The following KMO variants were observed in gnomAD, a reference collection of about 807,000 sequenced individuals.
KMO encodes kynurenine 3-monooxygenase.
Under a neutral mutation model 57.8 loss-of-function variants are expected in KMO, and 24 were observed. The ratio of observed to expected loss-of-function variants is 0.42; its 90% CI spans 0.30 to 0.58. The LOEUF (loss-of-function observed/expected upper bound fraction) is 0.58. KMO is among the 20% of genes least tolerant of loss of function. The pLI is 0.22. For missense variants in KMO, 483 were observed against 588.2 expected (o/e 0.82, Z 1.85); for synonymous variants, 210 against 193.6 (o/e 1.08, Z -0.70).
rs1022837170 is a variant in KMO, at chr1:241,570,615, G to A, written c.957+1968G>A. Among the ~76,000 whole-genome samples, 6 of 152,070 alleles carry A rather than the reference G, an allele frequency of 3.9e-5. No homozygotes were observed. The South Asian group carries it at 1.2e-3, about 32-fold the overall frequency. The stretch of plus-strand genomic sequence containing the variant: ...AAATTGAATGTGGATATATTACTGG[G>A]TTCTCTATTCTGTTCCATTGGTCAA... On this transcript the variant is annotated intron_variant, in intron 10 of 14. Coordinates refer to ENST00000366559, the MANE Select transcript of KMO (RefSeq NM_003679.5).
At chr1:241,572,972 C>G (rs1662359938) in intron 10 of KMO, among the ~76,000 whole-genome samples, 1 of 152,096 alleles carries the variant, frequency 6.6e-6, no homozygotes, top group African/African-American at 2.4e-5. Flanking sequence ...TTATTTCATA[C>G]TTTTTTACGG....
Position 241,568,495 on chromosome 1 carries a change from T to C in KMO, c.810-5T>C, listed in dbSNP as rs1179880345. 1 of 1,613,178 alleles carries C rather than the reference T, an allele frequency of 6.2e-7. No individual in the cohort carries two copies. Among genetic ancestry groups the C allele is most frequent in the African/African-American group, 1.3e-5 (1 of 75,014 alleles). Reference sequence around the variant, plus strand: ...TCTTTATATTCGGATTATTTTCCTTTGAAGGAAACTCCTAGTGCAAGATTT... The same window carrying C: ...TCTTTATATTCGGATTATTTTCCTTCGAAGGAAACTCCTAGTGCAAGATTT... On this transcript the variant is annotated splice_polypyrimidine_tract_variant and splice_region_variant and intron_variant, in intron 9 of 14. Transcript: ENST00000366559.
chr1:241,561,610 T>G (rs1661839727), intron 6 of KMO, among the ~76,000 whole-genome samples: 1 of 152,256 alleles, frequency 6.6e-6, no homozygotes. Context: ...CTCTTCAAAC[T>G]GCCAAGGAAG....
At chr1:241,543,985 G>T (rs74150321) in intron 1 of KMO, among the ~76,000 whole-genome samples, 2,440 of 152,276 alleles carry the variant, frequency 0.016, 61 homozygotes, top group African/African-American at 0.055. Flanking sequence ...ACAAACCCAT[G>T]CAACCAGACC....
At chr1:241,554,435 G>A (rs546453378) in intron 4 of KMO, among the ~76,000 whole-genome samples, 4 of 151,674 alleles carry the variant, frequency 2.6e-5, no homozygotes, top group Middle Eastern at 3.4e-3. Context: ...CACCAGACCC[G>A]GCTTGTTTTT....
intron 5 of KMO, among the ~76,000 whole-genome samples, chr1:241,557,961 T>C (rs1276464221): frequency 1.3e-5 from 2 of 152,230 alleles, no homozygotes; most frequent in African/African-American, 4.8e-5. Context: ...CACCAAGCTG[T>C]ATCTTAAGTG....
intron 14 of KMO, among the ~76,000 whole-genome samples, chr1:241,591,346 T>C (rs2147988360): frequency 6.6e-6 from 1 of 152,156 alleles, no homozygotes; most frequent in South Asian, 2.1e-4. Context: ...ACTATAGCTA[T>C]GTTAGTTATG....
rs1256668525 is a variant in KMO, at chr1:241,566,364, GT to G, written c.688-126del. On this transcript the variant is annotated intron_variant, in intron 8 of 14. Coordinates refer to ENST00000366559, the MANE Select transcript of KMO (RefSeq NM_003679.5). ...GGAACAAAGTGACAGTGCCTTTCCT[GT>G]CTGCTTGGACATTCCTTCCAAAAGC... is the stretch of plus-strand genomic sequence containing the variant. The G allele has an allele frequency of 1.7e-5, 18 of 1,056,508 alleles. No homozygotes were observed. The African/African-American group carries it at 2.6e-4, about 15-fold the overall frequency. The allele number at this position is 1,056,508 out of a possible 1,614,324, so 65.4% of individuals were successfully genotyped here. A position where few individuals can be genotyped will look rare whatever the true frequency, so the allele number is the denominator to read the frequency against.
intron 7 of KMO, among the ~76,000 whole-genome samples, chr1:241,562,895 GAA>G (rs1558421337): frequency 1.3e-5 from 1 of 79,036 alleles, no homozygotes; most frequent in Admixed American, 1.1e-4. Flanking sequence ...AGGAAGGAAG[GAA>G]GGAAGGAAGG....
At chr1:241,553,132 T>C (rs1020389181) in intron 4 of KMO, among the ~76,000 whole-genome samples, 1 of 152,280 alleles carries the variant, frequency 6.6e-6, no homozygotes, top group African/African-American at 2.4e-5. Context: ...TTTACTATTA[T>C]CTTTTTGGTT....
intron 4 of KMO, among the ~76,000 whole-genome samples, chr1:241,552,830 T>G (rs1366800153): frequency 6.6e-6 from 1 of 152,210 alleles, no homozygotes; most frequent in Non-Finnish European, 1.5e-5. Context: ...TCCAATGTGA[T>G]GTCCAGATTC....
At chr1:241,550,813 C>T in intron 3 of KMO, 142 bp from the exon 4 acceptor site, 2 of 516,326 alleles carry the variant, frequency 3.9e-6, no homozygotes, top group Admixed American at 7.0e-5. Flanking sequence ...GGAGTTTCTA[C>T]CACGTTGGGC....
chr1:241,545,869 G>A (rs910698537), intron 1 of KMO, among the ~76,000 whole-genome samples: 2 of 152,124 alleles, frequency 1.3e-5, no homozygotes, highest in African/African-American at 4.8e-5. Flanking sequence ...TCTGGCCATG[G>A]ATATAATACA....
chr1:241,548,977 T>G (rs1661264679), intron 2 of KMO, 79 bp downstream of exon 2: 1 of 899,848 alleles, frequency 1.1e-6, no homozygotes, highest in Admixed American at 1.8e-5. Context: ...GGCACATGGA[T>G]CGCTTGAGGC....
chr1:241,577,531 CTTTG>C (rs1662568504), intron 10 of KMO, among the ~76,000 whole-genome samples: 2 of 152,134 alleles, frequency 1.3e-5, no homozygotes, highest in East Asian at 1.9e-4. Flanking sequence ...TATGGAGAGT[CTTTG>C]TTTGATGACT....
At chr1:241,565,139 A>G in intron 8 of KMO, 81 bp downstream of exon 8, 1 of 822,452 alleles carries the variant, frequency 1.2e-6, no homozygotes, top group Non-Finnish European at 2.1e-6. Context: ...CTTAGAATGT[A>G]TCTACCTAAT....
intron 10 of KMO, among the ~76,000 whole-genome samples, chr1:241,568,871 C>G (rs1662176404): frequency 6.6e-6 from 1 of 152,100 alleles, no homozygotes; most frequent in South Asian, 2.1e-4. Flanking sequence ...GCATAGCGCA[C>G]TCATCCCTTG....
chr1:241,568,779 AC>A, intron 10 of KMO, 132 bp downstream of exon 10: 1 of 851,322 alleles, frequency 1.2e-6, no homozygotes, highest in Non-Finnish European at 1.8e-6. Flanking sequence ...CAGCAATCAT[AC>A]CAGCTGTGTA....
At chr1:241,541,154 A>G (rs1660944181) in intron 1 of KMO, among the ~76,000 whole-genome samples, 1 of 152,114 alleles carries the variant, frequency 6.6e-6, no homozygotes, top group South Asian at 2.1e-4. Context: ...AAACGGTTGC[A>G]GTAGCCTGGT....
Sources: allele counts gnomAD v4.1 joint callset (sites outside exome capture counted in the v4.1 genomes callset), GRCh38; gene constraint gnomAD v4.1.1; transcripts MANE v1.5; gene names NCBI Gene and HGNC (gene_info 2026-07-23, HGNC 2026-07-21).